Variants in ALS2CL observed in about 807,000 individuals in gnomAD.
ALS2CL encodes the protein ALS2 C-terminal like, also known as ALS2 C-terminal-like protein.
A neutral mutation model predicts 127.9 loss-of-function variants in ALS2CL; 112 were observed. The ratio of observed to expected loss-of-function variants is 0.88; its 90% CI spans 0.75 to 1.02. The LOEUF (loss-of-function observed/expected upper bound fraction) is 1.02. ALS2CL is among the 50% of genes least tolerant of loss of function. The pLI is 0.00. For synonymous variants in ALS2CL, 519 were observed against 527.6 expected (o/e 0.98, Z 0.22); for missense variants, 1,174 against 1,236.7 (o/e 0.95, Z 0.76).
chr3:46,671,379 G>A (rs113747918), intron 25 of ALS2CL, 109 bp downstream of exon 25: 1 of 1,508,058 alleles, frequency 6.6e-7, no homozygotes, highest in African/African-American at 1.4e-5. Context: ...CACATGAGCT[G>A]TGAATTTGAG....
chr3:46,683,733 C>T, intron 9 of ALS2CL, 49 bp downstream of exon 9: 1 of 1,598,952 alleles, frequency 6.3e-7, no homozygotes, highest in Non-Finnish European at 8.6e-7. Flanking sequence ...CCTCTTCCTA[C>T]CCTGTCCTCT....
Position 46,684,249 on chromosome 3 carries a change from G to A in ALS2CL, c.787-202C>T, listed in dbSNP as rs748290862. On this transcript the variant is annotated intron_variant, in intron 7 of 25. Transcript: ENST00000318962. ...CCATGTCCTTTCTACCCCAGAGCTTGGCCAGGAACTCAGAACCAGCCTCTA... is the reference window on the plus strand; with the variant it reads ...CCATGTCCTTTCTACCCCAGAGCTTAGCCAGGAACTCAGAACCAGCCTCTA... Among the ~76,000 whole-genome samples, 97 of 152,134 alleles carry A rather than the reference G, an allele frequency of 6.4e-4. 1 individual carries two copies. Among genetic ancestry groups the A allele is most frequent in the Admixed American group, 1.4e-3 (21 of 15,284 alleles).
At position 46,687,702 on chromosome 3, in the gene ALS2CL, G is replaced by A. The variant is rs375236985; in HGVS notation, c.303-18C>T. ...CAATGTACCTGCAGGCAGCACAGGG[G>A]ACACCCTGCAAACCCAGTCCTCAGC... On this transcript the variant is annotated intron_variant, in intron 3 of 25. Transcript: ENST00000318962. 9 of 1,607,864 alleles carry A rather than the reference G, an allele frequency of 5.6e-6. No homozygotes were observed. In the African/African-American group the frequency reaches 1.1e-4, roughly 19 times the overall value.
chr3:46,674,222 A>G (rs188158560), intron 21 of ALS2CL, among the ~76,000 whole-genome samples: 8 of 152,318 alleles, frequency 5.3e-5, no homozygotes, highest in African/African-American at 1.9e-4. Context: ...CCAAGCCCCA[A>G]GCCGAGCCAG....
intron 19 of ALS2CL, chr3:46,676,002 C>G (rs4683269): frequency 0.59 from 833,068 of 1,416,064 alleles, 247,597 homozygotes; most frequent in African/African-American, 0.8. Context: ...AGTGCACCTG[C>G]GGTCAGAGTC....
chr3:46,687,974 TG>T, intron 3 of ALS2CL, 123 bp downstream of exon 3: 1 of 1,245,352 alleles, frequency 8.0e-7, no homozygotes, highest in Non-Finnish European at 1.1e-6. Flanking sequence ...GCACCAACCA[TG>T]GACTGAGCCC....
At chr3:46,683,105 GC>G in intron 10 of ALS2CL, 24 bp downstream of exon 10, 1 of 1,529,758 alleles carries the variant, frequency 6.5e-7, no homozygotes, top group Non-Finnish European at 8.8e-7. Flanking sequence ...GTCCCACCTT[GC>G]CACCCAGAGC....
intron 15 of ALS2CL, among the ~76,000 whole-genome samples, chr3:46,678,953 G>C (rs1231173100): frequency 6.6e-6 from 1 of 152,214 alleles, no homozygotes; most frequent in Non-Finnish European, 1.5e-5. Flanking sequence ...TCTGAACTAG[G>C]AGGGTATGGA....
intron 18 of ALS2CL, 49 bp from the exon 19 acceptor site, chr3:46,676,451 A>G: frequency 6.2e-7 from 1 of 1,608,908 alleles, no homozygotes; most frequent in South Asian, 1.1e-5. Context: ...TGGGGTCTGG[A>G]GCACAGCATG....
rs1423114123 is a variant in ALS2CL at position 46,686,189 on chromosome 3, C to T, written c.666+119G>A. 1 of 1,381,134 alleles carries T rather than the reference C, an allele frequency of 7.2e-7. No individual in the cohort carries two copies. Among genetic ancestry groups the T allele is most frequent in the African/African-American group, 1.5e-5 (1 of 68,322 alleles). 85.6% of individuals were successfully genotyped at this position (1,381,134 alleles called of 1,614,324 possible). A position where few individuals can be genotyped will look rare whatever the true frequency, so the allele number is the denominator to read the frequency against. On this transcript the variant is annotated intron_variant, in intron 6 of 25. Transcript: ENST00000318962. This position sits in a 1 kb window ranked among gnomAD's most constrained non-coding sequence, Gnocchi z 4.3. The stretch of plus-strand genomic sequence containing the variant: ...ACAGCCACCTGCTTCAGCCATCACT[C>T]CCCCTTCCATATAGGGAAACTGAGG...
chr3:46,692,489 A>C (rs1700218303), intron 1 of ALS2CL, among the ~76,000 whole-genome samples: 1 of 152,196 alleles, frequency 6.6e-6, no homozygotes, highest in Non-Finnish European at 1.5e-5. Context: ...ACTGAGGCCC[A>C]GGAACAATGG....
At chr3:46,684,103 C>A in intron 7 of ALS2CL, 56 bp from the exon 8 acceptor site, 1 of 1,542,002 alleles carries the variant, frequency 6.5e-7, no homozygotes, top group Admixed American at 2.0e-5. Context: ...GCTCACCTAC[C>A]CTCTGGCCAA....
In ALS2CL at chr3:46,669,148, A is replaced by C. The variant is rs1224819894; in HGVS notation, c.*1836T>G. The C allele has an allele frequency of 6.6e-6, 1 of 152,044 alleles. No homozygotes were observed. The highest frequency in any genetic ancestry group is 2.4e-5 in the African/African-American group (1 of 41,348). 9.4% of individuals were successfully genotyped at this position (152,044 alleles called of 1,614,324 possible). On this transcript the variant is annotated 3_prime_UTR_variant, in exon 26 of 26. Transcript: ENST00000318962. ...CCAGGCTCAGGGATCTTCCCACCTC[A>C]GCCTCCCGAGTAGCTGGGACCACAG...
At position 46,670,740 on chromosome 3, in the gene ALS2CL, G is replaced by A. The variant is rs748854273; in HGVS notation, c.*244C>T. 1.2e-4 allele frequency: 60 copies of A among 487,424 alleles called. No homozygotes were observed. Among genetic ancestry groups the A allele is most frequent in the Non-Finnish European group, 2.0e-4 (54 of 264,652 alleles). 30.2% of individuals were successfully genotyped at this position (487,424 alleles called of 1,614,324 possible). Reference sequence around the variant, plus strand: ...CCTCACCCCCAGCCTGTGAGCTGCTGCAGATTAAGGGGTCATTGAAGATGG... The same window carrying A: ...CCTCACCCCCAGCCTGTGAGCTGCTACAGATTAAGGGGTCATTGAAGATGG... On this transcript the variant is annotated 3_prime_UTR_variant, in exon 26 of 26. Coordinates refer to ENST00000318962, the MANE Select transcript of ALS2CL (RefSeq NM_147129.5). The surrounding 1 kb of genome is among the most constrained non-coding windows in gnomAD (Gnocchi z 5.5).
rs111951508 is a variant in ALS2CL at position 46,683,395 on chromosome 3, G to C, written c.913-69C>G. The C allele has an allele frequency of 2.6e-5, 39 of 1,483,028 alleles. No individual in the cohort carries two copies. In the African/African-American group the frequency reaches 4.1e-4, roughly 15 times the overall value. 91.9% of individuals were successfully genotyped at this position (1,483,028 alleles called of 1,614,324 possible). A position where few individuals can be genotyped will look rare whatever the true frequency, so the allele number is the denominator to read the frequency against. ...AGGCTTTCCCTCCAGGAAGCCTTCT[G>C]GGGTAGCTCCAGGTACCACCCCCTC... On this transcript the variant is annotated intron_variant, in intron 9 of 25. Transcript: ENST00000318962.
At position 46,689,425 on chromosome 3, in the gene ALS2CL, C is replaced by T. The variant is rs1410116863; in HGVS notation, c.16G>A (p.Glu6Lys). 2 of 1,610,404 alleles carry T rather than the reference C, an allele frequency of 1.2e-6. No homozygotes were observed. Among genetic ancestry groups the T allele is most frequent in the Non-Finnish European group, 1.7e-6 (2 of 1,178,926 alleles). ...TCCTCCAGCCGCAGCAGAGCTGCCT[C>T]CTCAGGGTTGCACATGGCCAGGTGC... MCNPE[E>K]AALLRLEEVF... Residue 6 changes from glutamate to lysine, a missense_variant, in exon 2 of 26, where the codon GAG becomes AAG. Transcript: ENST00000318962.
intron 25 of ALS2CL, 59 bp downstream of exon 25, chr3:46,671,429 A>G: frequency 6.2e-7 from 1 of 1,607,002 alleles, no homozygotes; most frequent in Non-Finnish European, 8.5e-7. Flanking sequence ...GGGAAGGGAA[A>G]AGGGTCTGCC....
chr3:46,687,694 G>A lies in ALS2CL; in HGVS notation c.303-10C>T. 6.2e-7 allele frequency: 1 copy of A among 1,610,334 alleles called. No individual in the cohort carries two copies. The highest frequency in any genetic ancestry group is 8.5e-7 in the Non-Finnish European group (1 of 1,178,272). On this transcript the variant is annotated splice_polypyrimidine_tract_variant and intron_variant, in intron 3 of 25. Coordinates refer to ENST00000318962, the MANE Select transcript of ALS2CL (RefSeq NM_147129.5). ...GTAGGACTCAATGTACCTGCAGGCA[G>A]CACAGGGGACACCCTGCAAACCCAG...
rs1575431122 is a variant in ALS2CL, at chr3:46,681,579, G to GCCT, written c.1194_1195insAGG (p.Leu398_Pro399insArg). 1 of 1,614,128 alleles carries GCCT rather than the reference G, an allele frequency of 6.2e-7. No homozygotes were observed. ...TCGAACTTGTCCTCAGAGGCCTGGG[G>GCCT]CAGCAGGCGGATGCCGAAGCTGACA... On this transcript the variant is annotated inframe_insertion, in exon 12 of 26. Coordinates refer to ENST00000318962, the MANE Select transcript of ALS2CL (RefSeq NM_147129.5). The surrounding 1 kb of genome is among the most constrained non-coding windows in gnomAD (Gnocchi z 4.9).
Sources: allele counts gnomAD v4.1 joint callset (sites outside exome capture counted in the v4.1 genomes callset), GRCh38; gene constraint gnomAD v4.1.1; non-coding constraint Gnocchi (gnomAD v3.1); transcripts MANE v1.5; gene names NCBI Gene and HGNC (gene_info 2026-07-23, HGNC 2026-07-21).